CACNA1I: variants seen among roughly 807,000 people sequenced by gnomAD.
The protein encoded by CACNA1I is voltage-dependent T-type calcium channel subunit alpha-1I.
A neutral mutation model predicts 201.6 loss-of-function variants in CACNA1I; 74 were observed. The ratio of observed to expected loss-of-function variants is 0.37; its 90% CI spans 0.30 to 0.45. CACNA1I has a LOEUF of 0.45. CACNA1I is among the 20% of genes least tolerant of loss of function. CACNA1I has a pLI of 1.00. For missense variants in CACNA1I, 2,346 were observed against 3,138.1 expected, an observed-to-expected ratio of 0.75 and a Z score of 6.03; for synonymous variants, 1,431 against 1,345.2, an observed-to-expected ratio of 1.06 and a Z score of -1.40.
At chr22:39,679,693 C>T in intron 32 of CACNA1I, 29 bp from the exon 33 acceptor site, 1 of 1,594,158 alleles carries the variant, frequency 6.3e-7, no homozygotes, top group Non-Finnish European at 8.6e-7. Flanking sequence ...ATAATCCCGC[C>T]TGTCCCCACC....
chr22:39,629,443 C>T lies in CACNA1I; in HGVS notation c.581-5122C>T, dbSNP rs1933990225. On this transcript the variant is annotated intron_variant, in intron 4 of 36. Transcript: ENST00000402142. This position sits in a 1 kb window ranked among gnomAD's most constrained non-coding sequence, Gnocchi z 4.8. ...CTCTGCTTGGCCTCCAAAATACCTC[C>T]AGAATCCACCATGTTCCCCACTCCA... 6.6e-6 allele frequency among the ~76,000 whole-genome samples: 1 copy of T among 151,974 alleles called. No homozygotes were observed. The highest frequency in any genetic ancestry group is 2.4e-5 in the African/African-American group (1 of 41,368).
chr22:39,599,618 CAAAAAAAAAAAA>C (rs71197187), intron 2 of CACNA1I, among the ~76,000 whole-genome samples: 2 of 64,340 alleles, frequency 3.1e-5, no homozygotes, highest in African/African-American at 1.4e-4. Flanking sequence ...GACTCCGTCT[CAAAAAAAAAAAA>C]AAAAAAAAAA....
chr22:39,619,695 G>A (rs933583084), intron 4 of CACNA1I, among the ~76,000 whole-genome samples: 1 of 152,182 alleles, frequency 6.6e-6, no homozygotes, highest in Non-Finnish European at 1.5e-5. Flanking sequence ...GGGACGAAGA[G>A]TTTATGGGAG....
At chr22:39,598,338 C>T (rs2145825680) in intron 2 of CACNA1I, 76 bp downstream of exon 2, 1 of 727,396 alleles carries the variant, frequency 1.4e-6, no homozygotes, top group South Asian at 1.7e-5. Flanking sequence ...CCACTCCACA[C>T]CCCCGCCCCA....
At chr22:39,636,528 G>T (rs987725228) in intron 5 of CACNA1I, among the ~76,000 whole-genome samples, 9 of 152,208 alleles carry the variant, frequency 5.9e-5, no homozygotes, top group Non-Finnish European at 1.3e-4. Context: ...TGAAAAAGGA[G>T]ATGAGTAAAG....
intron 2 of CACNA1I, among the ~76,000 whole-genome samples, chr22:39,598,916 G>C (rs1041405431): frequency 6.6e-6 from 1 of 151,108 alleles, no homozygotes; most frequent in African/African-American, 2.4e-5. Flanking sequence ...ATTCCTCCCG[G>C]GAGGCATTGC....
chr22:39,649,419 C>T lies in CACNA1I; in HGVS notation c.1568-82C>T. The T allele has an allele frequency of 7.3e-7, 1 of 1,368,240 alleles. No individual in the cohort carries two copies. The highest frequency in any genetic ancestry group is 9.7e-7 in the Non-Finnish European group (1 of 1,028,512). The allele number at this position is 1,368,240 out of a possible 1,614,324, so 84.8% of individuals were successfully genotyped here. ...CAGGCAGACCTGTGGGCCTGGGAGCCAAGCGCACTCAGGGATGTGTCCCAG... is the reference window on the plus strand; with the variant it reads ...CAGGCAGACCTGTGGGCCTGGGAGCTAAGCGCACTCAGGGATGTGTCCCAG... On this transcript the variant is annotated intron_variant, in intron 9 of 36. Coordinates refer to ENST00000402142, the MANE Select transcript of CACNA1I (RefSeq NM_021096.4). This position sits in a 1 kb window ranked among gnomAD's most constrained non-coding sequence, Gnocchi z 7.3.
chr22:39,595,361 T>C (rs1324743959), intron 1 of CACNA1I, among the ~76,000 whole-genome samples: 4 of 152,074 alleles, frequency 2.6e-5, no homozygotes, highest in Non-Finnish European at 5.9e-5. Context: ...CAATGGCTCA[T>C]GCCTGTAATC....
At chr22:39,585,162 C>T (rs1023061967) in intron 1 of CACNA1I, among the ~76,000 whole-genome samples, 15 of 152,088 alleles carry the variant, frequency 9.9e-5, no homozygotes, top group African/African-American at 2.9e-4. Flanking sequence ...TGGGTTCAAG[C>T]GATTCTCCTG....
In CACNA1I at chr22:39,646,815, G is replaced by A. The variant is rs1204968393; in HGVS notation, c.1396G>A (p.Ala466Thr). Residue 466 changes from alanine (A) to threonine (T), a missense_variant, in exon 8 of 37, where the codon GCC becomes ACC. Around this residue, in one of 13 missense-constraint regions of CACNA1I, gnomAD observed 312 missense variants for 331.5 expected, o/e 0.94. Coordinates refer to ENST00000402142, the MANE Select transcript of CACNA1I (RefSeq NM_021096.4). The stretch of plus-strand genomic sequence containing the variant: ...CCAGGCCCTGCAGAGCCGGCGCCAG[G>A]CCCTGGGCCCGGAGGCCCCGGCCCC... The part of the protein sequence containing the change: ...LYQALQSRRQ[A>T]LGPEAPAPAK... 1 of 1,548,436 alleles carries A rather than the reference G, an allele frequency of 6.5e-7. No individual in the cohort carries two copies. The highest frequency in any genetic ancestry group is 8.7e-7 in the Non-Finnish European group (1 of 1,146,478).
chr22:39,649,076 C>T lies in CACNA1I; in HGVS notation c.1568-425C>T, dbSNP rs886856184. ...CTTGAGAACACCAAGTCCACCATGG[C>T]CTTCTCTGACGGGGGCTGCCCCCAC... On this transcript the variant is annotated intron_variant, in intron 9 of 36. Transcript: ENST00000402142. The surrounding 1 kb of genome is among the most constrained non-coding windows in gnomAD (Gnocchi z 7.3). Among the ~76,000 whole-genome samples, 4 of 152,206 alleles carry T rather than the reference C, an allele frequency of 2.6e-5. No homozygotes were observed. The highest frequency in any genetic ancestry group is 5.9e-5 in the Non-Finnish European group (4 of 68,038).
chr22:39,627,459 G>A (rs536927600), intron 4 of CACNA1I, among the ~76,000 whole-genome samples: 2 of 152,352 alleles, frequency 1.3e-5, no homozygotes, highest in East Asian at 3.9e-4. Context: ...AGGGGGCCGG[G>A]CAGGATGGCA....
chr22:39,669,365 G>GTGCA (rs1601518745), intron 24 of CACNA1I, among the ~76,000 whole-genome samples: 1 of 152,228 alleles, frequency 6.6e-6, no homozygotes, highest in Non-Finnish European at 1.5e-5. Flanking sequence ...ACCCCCACCA[G>GTGCA]TGCATGCATG....
In CACNA1I at chr22:39,684,485, C is replaced by T; in HGVS notation, c.6014C>T (p.Thr2005Ile). ...CTGCGGTCACCAAGGGTCAACTGTA[C>T]CCTCCTCCGGCAGGTACCGACACCT... The part of the protein sequence containing the change: ...ASLRSPRVNC[T>I]LLRQATGSDT... The change falls in exon 36 of 37, where the codon ACC (threonine) becomes ATC (isoleucine). Residue 2005 changes from threonine (T) to isoleucine (I), a missense_variant. This residue lies in a region of CACNA1I where 441 missense variants were observed against 555.6 expected (regional missense o/e 0.79). Coordinates refer to ENST00000402142, the MANE Select transcript of CACNA1I (RefSeq NM_021096.4). The surrounding 1 kb of genome is among the most constrained non-coding windows in gnomAD (Gnocchi z 4.6). 7 of 1,612,940 alleles carry T rather than the reference C, an allele frequency of 4.3e-6. No homozygotes were observed. Among genetic ancestry groups the T allele is most frequent in the Non-Finnish European group, 5.9e-6 (7 of 1,179,758 alleles).
intron 4 of CACNA1I, among the ~76,000 whole-genome samples, chr22:39,622,584 G>A (rs898890542): frequency 1.4e-5 from 2 of 142,554 alleles, no homozygotes; most frequent in Non-Finnish European, 3.1e-5. Context: ...AACACCCCTG[G>A]CCAGAGTGCG....
chr22:39,646,568 G>T lies in CACNA1I; in HGVS notation c.1150-1G>T, dbSNP rs1201807462. 6.5e-7 allele frequency: 1 copy of T among 1,546,454 alleles called. No individual in the cohort carries two copies. The highest frequency in any genetic ancestry group is 8.7e-7 in the Non-Finnish European group (1 of 1,144,012). On this transcript the variant is annotated splice_acceptor_variant, in intron 7 of 36. Coordinates refer to ENST00000402142, the MANE Select transcript of CACNA1I (RefSeq NM_021096.4). LOFTEE classifies it high-confidence loss of function. ...CTGTCCTCTCCTCCCGTTGGTCACA[G>T]GTGGGCTCCTTCTTCATGATCAACC...
intron 1 of CACNA1I, among the ~76,000 whole-genome samples, chr22:39,585,391 T>C (rs1371812685): frequency 8.7e-4 from 120 of 137,432 alleles, no homozygotes; most frequent in Non-Finnish European, 1.1e-3. Flanking sequence ...TCTTTCTTTT[T>C]TTTTTTTTTT....
At chr22:39,627,499 C>T (rs1274368044) in intron 4 of CACNA1I, among the ~76,000 whole-genome samples, 1 of 152,214 alleles carries the variant, frequency 6.6e-6, no homozygotes, top group African/African-American at 2.4e-5. Flanking sequence ...GGTGCCAACC[C>T]TCACGCCCCA....
rs1006421800 is a variant in CACNA1I, at chr22:39,629,914, C to T, written c.581-4651C>T. On this transcript the variant is annotated intron_variant, in intron 4 of 36. Transcript: ENST00000402142. The surrounding 1 kb of genome is among the most constrained non-coding windows in gnomAD (Gnocchi z 4.8). ...CCAGCAGCCCAGCAATCCTCTCACC[C>T]CTTCCCCAGATCACGTCTCCCTTCT... Among the ~76,000 whole-genome samples, 16 of 152,332 alleles carry T rather than the reference C, an allele frequency of 1.1e-4. No individual in the cohort carries two copies. The highest frequency in any genetic ancestry group is 3.6e-4 in the African/African-American group (15 of 41,556).
Sources: allele counts gnomAD v4.1 joint callset (sites outside exome capture counted in the v4.1 genomes callset), GRCh38; gene constraint gnomAD v4.1.1; regional missense constraint gnomAD v4.1.1; non-coding constraint Gnocchi (gnomAD v3.1); transcripts MANE v1.5; gene names NCBI Gene and HGNC (gene_info 2026-07-23, HGNC 2026-07-21).